UBR3: variants seen among roughly 807,000 people sequenced by gnomAD.
The protein encoded by UBR3 is ubiquitin protein ligase E3 component n-recognin 3, also known as E3 ubiquitin-protein ligase UBR3.
In UBR3, 85 loss-of-function variants were observed where a neutral mutation model predicts 243.2. That is an observed-to-expected ratio of 0.35 (90% CI 0.29 to 0.42). UBR3 has a LOEUF of 0.42. UBR3 is among the 10% of genes least tolerant of loss of function. The pLI is 1.00. For synonymous variants in UBR3, 748 were observed against 799.8 expected (o/e 0.94, Z 1.09); for missense variants, 1,686 against 2,300.8 (o/e 0.73, Z 5.47).
chr2:169,833,549 A>C (rs2082000636), intron 1 of UBR3, among the ~76,000 whole-genome samples: 2 of 152,322 alleles, frequency 1.3e-5, no homozygotes, highest in South Asian at 4.1e-4. Flanking sequence ...ACATTGCTTT[A>C]GTTACTCATG....
intron 18 of UBR3, among the ~76,000 whole-genome samples, chr2:169,929,874 T>C (rs939011018): frequency 6.6e-5 from 10 of 152,206 alleles, no homozygotes; most frequent in Admixed American, 3.3e-4. Flanking sequence ...AATGCCCATT[T>C]TGAAGTTGTA....
intron 1 of UBR3, among the ~76,000 whole-genome samples, chr2:169,829,422 GTTTTTT>G (rs35860819): frequency 3.7e-4 from 50 of 133,762 alleles, no homozygotes; most frequent in African/African-American, 1.3e-3. Context: ...TAACATTTGA[GTTTTTT>G]TTTTTTTTTT....
chr2:169,956,341 A>G (rs2087293338), intron 23 of UBR3, among the ~76,000 whole-genome samples: 1 of 151,138 alleles, frequency 6.6e-6, no homozygotes, highest in South Asian at 2.1e-4. Context: ...CAACTCCCTT[A>G]TATATAACCA....
chr2:169,967,806 T>G (rs774030637), intron 24 of UBR3, among the ~76,000 whole-genome samples: 7 of 152,046 alleles, frequency 4.6e-5, no homozygotes, highest in Non-Finnish European at 1.0e-4. Flanking sequence ...CAAATACCTA[T>G]ATATTTGCTT....
chr2:169,972,265 A>G (rs945101186), intron 24 of UBR3, among the ~76,000 whole-genome samples: 1 of 152,214 alleles, frequency 6.6e-6, no homozygotes, highest in Admixed American at 6.5e-5. Context: ...AATTGTGGCA[A>G]TAATCAATAG....
Position 169,853,425 on chromosome 2 carries a change from C to T in UBR3, c.546-18811C>T, listed in dbSNP as rs370570953. Among the ~76,000 whole-genome samples, 72 of 150,868 alleles carry T rather than the reference C, an allele frequency of 4.8e-4. 1 individual carries two copies. In the South Asian group the frequency reaches 5.5e-3, roughly 11 times the overall value. ...TTTCTTCCTTCTTCTTCTTTTTTCT[C>T]TTCTTCCTCTTCCTCTTTTTCTTCT... On this transcript the variant is annotated intron_variant, in intron 1 of 38. Transcript: ENST00000272793.
intron 24 of UBR3, among the ~76,000 whole-genome samples, chr2:169,976,153 G>A (rs992131945): frequency 6.6e-6 from 1 of 151,738 alleles, no homozygotes; most frequent in African/African-American, 2.4e-5. Context: ...GCTTTAAGTG[G>A]AGAATTTAAT....
At chr2:169,924,416 A>G (rs1205737173) in intron 13 of UBR3, among the ~76,000 whole-genome samples, 1 of 152,146 alleles carries the variant, frequency 6.6e-6, no homozygotes, top group African/African-American at 2.4e-5. Flanking sequence ...TATTTAACAT[A>G]CTATATAGCA....
intron 32 of UBR3, among the ~76,000 whole-genome samples, chr2:170,049,328 G>T (rs1254355132): frequency 6.6e-6 from 1 of 152,196 alleles, no homozygotes; most frequent in Non-Finnish European, 1.5e-5. Context: ...CATCATAAAA[G>T]TATTCATCCT....
rs867343292 is a variant in UBR3, at chr2:169,881,852, C to T, written c.1038+3278C>T. ...ATGTATGTATACATGTATACATATA[C>T]GTATATGTGTATATGTATACATATA... On this transcript the variant is annotated intron_variant, in intron 5 of 38. Transcript: ENST00000272793. 3.3e-3 allele frequency among the ~76,000 whole-genome samples: 434 copies of T among 130,234 alleles called. 1 individual carries two copies. The highest frequency in any genetic ancestry group is 0.011 in the Middle Eastern group (2 of 184). 85.4% of individuals were successfully genotyped at this position (130,234 alleles called of 152,430 possible). A position where few individuals can be genotyped will look rare whatever the true frequency, so the allele number is the denominator to read the frequency against.
intron 30 of UBR3, among the ~76,000 whole-genome samples, chr2:170,029,091 T>C (rs1278205252): frequency 6.6e-6 from 1 of 152,008 alleles, no homozygotes; most frequent in African/African-American, 2.4e-5. Flanking sequence ...ATGTCTGTGA[T>C]AGGAGATGAG....
chr2:169,876,086 T>G (rs1454585579), intron 3 of UBR3, 137 bp downstream of exon 3: 1 of 424,782 alleles, frequency 2.4e-6, no homozygotes, highest in Middle Eastern at 9.3e-4. Flanking sequence ...GAGAACTTCT[T>G]TTTTTTTTTT....
At chr2:169,926,442 G>A (rs2085911979) in intron 14 of UBR3, among the ~76,000 whole-genome samples, 1 of 152,100 alleles carries the variant, frequency 6.6e-6, no homozygotes, top group African/African-American at 2.4e-5. Flanking sequence ...ACAAAAATTA[G>A]GCAGGTGTGG....
intron 11 of UBR3, among the ~76,000 whole-genome samples, chr2:169,923,592 C>T (rs1349549807): frequency 6.6e-6 from 1 of 152,084 alleles, no homozygotes; most frequent in Non-Finnish European, 1.5e-5. Flanking sequence ...CCCAAATGGT[C>T]TACTGTAGCT....
intron 24 of UBR3, among the ~76,000 whole-genome samples, chr2:169,981,213 C>T (rs2088714156): frequency 6.6e-6 from 1 of 151,990 alleles, no homozygotes; most frequent in South Asian, 2.1e-4. Context: ...TATAACTCCC[C>T]ACTCCTTAAG....
intron 11 of UBR3, among the ~76,000 whole-genome samples, chr2:169,916,861 C>T (rs933780038): frequency 2.0e-5 from 3 of 152,032 alleles, no homozygotes; most frequent in African/African-American, 7.2e-5. Context: ...AGGCCACACC[C>T]CCTATGCCTG....
chr2:170,038,459 A>T (rs2090884804), intron 31 of UBR3, among the ~76,000 whole-genome samples: 1 of 152,224 alleles, frequency 6.6e-6, no homozygotes, highest in Non-Finnish European at 1.5e-5. Flanking sequence ...TTGGGATATA[A>T]TGATAAGCAA....
chr2:169,960,326 A>G (rs1292114091), intron 24 of UBR3, among the ~76,000 whole-genome samples: 1 of 151,994 alleles, frequency 6.6e-6, no homozygotes, highest in African/African-American at 2.4e-5. Context: ...TTGTGTTTAG[A>G]CTTGGGTTCC....
At chr2:170,054,910 C>T (rs757078649) in intron 32 of UBR3, among the ~76,000 whole-genome samples, 1 of 152,096 alleles carries the variant, frequency 6.6e-6, no homozygotes, top group African/African-American at 2.4e-5. Flanking sequence ...AAGAGAGCAC[C>T]CTTTCCACTA....
Sources: allele counts gnomAD v4.1 joint callset (sites outside exome capture counted in the v4.1 genomes callset), GRCh38; gene constraint gnomAD v4.1.1; transcripts MANE v1.5; gene names NCBI Gene and HGNC (gene_info 2026-07-23, HGNC 2026-07-21).